The following FHOD3 variants were observed in gnomAD, a reference collection of about 807,000 sequenced individuals.
FHOD3 encodes the protein FH1/FH2 domain-containing protein 3.
Under a neutral mutation model 173.0 loss-of-function variants are expected in FHOD3, and 90 were observed. The ratio of observed to expected loss-of-function variants is 0.52; its 90% CI spans 0.44 to 0.62. The LOEUF (loss-of-function observed/expected upper bound fraction) is 0.62, where lower values mean the gene tolerates loss of function less well. Among genes scored for constraint, FHOD3 ranks in the 20% least tolerant of loss-of-function variants. The probability of loss-of-function intolerance (pLI) is 0.00; values close to 1 mark genes in which losing one functional copy is unlikely to be tolerated. For missense variants in FHOD3, 1,945 were observed against 2,034.7 expected (o/e 0.96, Z 0.85); for synonymous variants, 828 against 823.0 (o/e 1.01, Z -0.10).
At chr18:36,724,821 G>A (rs74508354) in intron 19 of FHOD3, among the ~76,000 whole-genome samples, 28 of 152,304 alleles carry the variant, frequency 1.8e-4, no homozygotes, top group African/African-American at 5.8e-4. Flanking sequence ...GGGCTACTAC[G>A]GGCATGTTGG....
chr18:36,498,484 G>T (rs988571027), intron 3 of FHOD3, among the ~76,000 whole-genome samples: 1 of 152,080 alleles, frequency 6.6e-6, no homozygotes, highest in African/African-American at 2.4e-5. Flanking sequence ...AGGTATAAAA[G>T]GACATTGCTA....
chr18:36,455,797 C>A (rs886989615), intron 3 of FHOD3, among the ~76,000 whole-genome samples: 19 of 152,102 alleles, frequency 1.2e-4, no homozygotes, highest in Non-Finnish European at 1.6e-4. Context: ...GTGGAGAATT[C>A]ATAAACAGGT....
intron 5 of FHOD3, among the ~76,000 whole-genome samples, chr18:36,562,999 G>A (rs541456488): frequency 6.6e-6 from 1 of 152,148 alleles, no homozygotes; most frequent in Non-Finnish European, 1.5e-5. Flanking sequence ...TCATGTAATC[G>A]CAGGACACAG....
rs769687510 is a variant in FHOD3, at chr18:36,718,535, C to T, written c.3237C>T (p.Phe1079=). 3.1e-6 allele frequency: 5 copies of T among 1,614,020 alleles called. No individual in the cohort carries two copies. In the South Asian group the frequency reaches 5.5e-5, roughly 18 times the overall value. ...WSQVPRGQPT[F]TKKKKTIRLF... ...AGGTACCCAGGGGTCAGCCCACATT[C>T]ACTAAGAAAAAGAAGACCATCCGTT... The change falls in exon 19 of 29, where the codon TTC becomes TTT. Residue 1079 remains phenylalanine, a synonymous_variant. Coordinates refer to ENST00000590592, the MANE Select transcript of FHOD3 (RefSeq NM_001281740.3).
intron 9 of FHOD3, among the ~76,000 whole-genome samples, chr18:36,613,364 T>A (rs1568494488): frequency 1.3e-5 from 2 of 152,234 alleles, no homozygotes; most frequent in Non-Finnish European, 2.9e-5. Flanking sequence ...GACTGTTCCC[T>A]GTGGGTTAAT....
chr18:36,506,165 T>A (rs1430255834), intron 4 of FHOD3, among the ~76,000 whole-genome samples: 1 of 152,204 alleles, frequency 6.6e-6, no homozygotes, highest in Non-Finnish European at 1.5e-5. Flanking sequence ...CCCTCAAATG[T>A]GACTTCATTA....
At chr18:36,769,999 T>A (rs2033117) in intron 28 of FHOD3, among the ~76,000 whole-genome samples, 26,425 of 152,196 alleles carry the variant, frequency 0.17, 2,490 homozygotes, top group African/African-American at 0.25. Flanking sequence ...TAAATCAAAG[T>A]GACTGATTTT....
At chr18:36,761,559 C>T (rs924658855) in intron 27 of FHOD3, among the ~76,000 whole-genome samples, 1 of 152,166 alleles carries the variant, frequency 6.6e-6, no homozygotes, top group Non-Finnish European at 1.5e-5. Context: ...CGCGGCGCTT[C>T]TCCGCACGCT....
At chr18:36,487,794 G>A (rs958785111) in intron 3 of FHOD3, among the ~76,000 whole-genome samples, 2 of 152,224 alleles carry the variant, frequency 1.3e-5, no homozygotes, top group African/African-American at 4.8e-5. Flanking sequence ...TGCTGGAACT[G>A]CATGGCACTC....
chr18:36,523,386 G>A (rs956446045), intron 5 of FHOD3, among the ~76,000 whole-genome samples: 1 of 152,188 alleles, frequency 6.6e-6, no homozygotes, highest in African/African-American at 2.4e-5. Flanking sequence ...GAACAGAGTT[G>A]GAAAATTAGT....
intron 6 of FHOD3, among the ~76,000 whole-genome samples, chr18:36,581,141 A>G (rs1382510290): frequency 2.6e-5 from 4 of 152,246 alleles, no homozygotes; most frequent in Admixed American, 6.5e-5. Context: ...AAGAAAGAAA[A>G]AAGTGTTTTC....
rs36233913 is a variant in FHOD3, at chr18:36,561,959, G to GTGTATTGTATTGTATTGTAT, written c.512-14440_512-14421dup. Among the ~76,000 whole-genome samples, 648 of 127,162 alleles carry GTGTATTGTATTGTATTGTAT rather than the reference G, an allele frequency of 5.1e-3. 7 individuals carry two copies. Among genetic ancestry groups the GTGTATTGTATTGTATTGTAT allele is most frequent in the East Asian group, 0.019 (78 of 4,198 alleles). 83.4% of individuals were successfully genotyped at this position (127,162 alleles called of 152,430 possible). ...GTAGGCAAGTGACTACTACTACACTGTGTATTGTATTGTATTGTATTGTAT... is the reference window on the plus strand; with the variant it reads ...GTAGGCAAGTGACTACTACTACACTGTGTATTGTATTGTATTGTATTGTATTGTATTGTATTGTATTGTAT... On this transcript the variant is annotated intron_variant, in intron 5 of 28. Coordinates refer to ENST00000590592, the MANE Select transcript of FHOD3 (RefSeq NM_001281740.3).
At chr18:36,343,179 A>G (rs560087552) in intron 1 of FHOD3, among the ~76,000 whole-genome samples, 22 of 152,350 alleles carry the variant, frequency 1.4e-4, no homozygotes, top group African/African-American at 4.1e-4. Context: ...GTGAAAGCAT[A>G]TGTCTACATA....
intron 21 of FHOD3, among the ~76,000 whole-genome samples, chr18:36,741,495 T>G (rs928218299): frequency 1.3e-5 from 2 of 152,100 alleles, no homozygotes; most frequent in Admixed American, 6.5e-5. Context: ...GTGAGCCAGG[T>G]GCAGTGGCTC....
chr18:36,758,686 G>A (rs1051587470), intron 25 of FHOD3, among the ~76,000 whole-genome samples: 8 of 152,210 alleles, frequency 5.3e-5, no homozygotes, highest in Non-Finnish European at 7.3e-5. Context: ...GCAAATGGAA[G>A]CCAGTCCACT....
At position 36,730,360 on chromosome 18, in the gene FHOD3, CA is replaced by C. The variant is rs1288637210; in HGVS notation, c.3418-285del. Among the ~76,000 whole-genome samples the C allele has an allele frequency of 5.3e-5, 8 of 152,248 alleles. No individual in the cohort carries two copies. In the East Asian group the frequency reaches 1.2e-3, roughly 22 times the overall value. On this transcript the variant is annotated intron_variant, in intron 19 of 28. Transcript: ENST00000590592. ...GTTTTCACTGCTTCTATGGAAAAAA[CA>C]GATTTTTTTTTCTTGCAAAATATCA... is the stretch of plus-strand genomic sequence containing the variant.
chr18:36,709,515 C>A, intron 18 of FHOD3, 124 bp downstream of exon 18: 1 of 1,049,172 alleles, frequency 9.5e-7, no homozygotes, highest in Non-Finnish European at 1.4e-6. Context: ...ACTCATGTGG[C>A]TGTGTCACCC....
rs765380655 is a variant in FHOD3 at position 36,779,773 on chromosome 18, C to T, written c.*243C>T. On this transcript the variant is annotated 3_prime_UTR_variant, in exon 29 of 29. Coordinates refer to ENST00000590592, the MANE Select transcript of FHOD3 (RefSeq NM_001281740.3). ...GTGTTTCTCTTGATTCCGTGACACC[C>T]GGTTTATTAGTTCAAAAGTGTGACA... 12 of 538,694 alleles carry T rather than the reference C, an allele frequency of 2.2e-5. No individual in the cohort carries two copies. Among genetic ancestry groups the T allele is most frequent in the Middle Eastern group, 4.7e-4 (1 of 2,112 alleles). 33.4% of individuals were successfully genotyped at this position (538,694 alleles called of 1,614,324 possible). A position where few individuals can be genotyped will look rare whatever the true frequency, so the allele number is the denominator to read the frequency against.
intron 20 of FHOD3, among the ~76,000 whole-genome samples, chr18:36,733,712 G>A (rs547294925): frequency 3.9e-5 from 6 of 152,314 alleles, no homozygotes; most frequent in Admixed American, 2.0e-4. Context: ...TGACGCTGAC[G>A]GATATGGGAG....
Sources: allele counts gnomAD v4.1 joint callset (sites outside exome capture counted in the v4.1 genomes callset), GRCh38; gene constraint gnomAD v4.1.1; transcripts MANE v1.5; gene names NCBI Gene and HGNC (gene_info 2026-07-23, HGNC 2026-07-21).